The following PTPN12 variants were observed in gnomAD, a reference collection of about 807,000 sequenced individuals.
PTPN12 encodes protein tyrosine phosphatase non-receptor type 12.
PTPN12 carries 29 observed loss-of-function variants against 97.6 expected under a neutral mutation model. The ratio of observed to expected loss-of-function variants is 0.30; its 90% CI spans 0.22 to 0.41. The LOEUF (loss-of-function observed/expected upper bound fraction) is 0.41, where lower values mean the gene tolerates loss of function less well. Ranked by LOEUF, PTPN12 falls within the 10% of genes least tolerant of loss-of-function variation. The pLI, the probability that PTPN12 is intolerant of heterozygous loss-of-function variation, is 1.00. For synonymous variants in PTPN12, 327 were observed against 300.4 expected (o/e 1.09, Z -0.91); for missense variants, 819 against 926.0 (o/e 0.88, Z 1.50).
chr7:77,615,162 T>A (rs528374914), intron 11 of PTPN12, among the ~76,000 whole-genome samples: 20 of 152,334 alleles, frequency 1.3e-4, no homozygotes, highest in Middle Eastern at 3.4e-3. Context: ...ACACCAGTAT[T>A]TCAGTTCTAG....
intron 1 of PTPN12, among the ~76,000 whole-genome samples, chr7:77,552,083 T>C (rs923824166): frequency 2.0e-5 from 3 of 152,352 alleles, no homozygotes; most frequent in African/African-American, 7.2e-5. Context: ...AAAAAGTTTA[T>C]TTTAAAATTA....
chr7:77,622,244 C>T (rs1788965848), intron 12 of PTPN12, among the ~76,000 whole-genome samples: 1 of 152,196 alleles, frequency 6.6e-6, no homozygotes, highest in South Asian at 2.1e-4. Context: ...CGTGAGCCAC[C>T]ATGTCCCACC....
chr7:77,604,839 G>T, intron 8 of PTPN12: 1 of 421,814 alleles, frequency 2.4e-6, no homozygotes, highest in South Asian at 1.7e-5. Context: ...TATGGTTAAG[G>T]TATGTGATCA....
intron 1 of PTPN12, among the ~76,000 whole-genome samples, chr7:77,558,347 A>G (rs1181331562): frequency 1.3e-5 from 2 of 152,292 alleles, no homozygotes; most frequent in Non-Finnish European, 2.9e-5. Flanking sequence ...GGCCACTTCT[A>G]ATAGAATTGA....
intron 4 of PTPN12, among the ~76,000 whole-genome samples, chr7:77,584,834 G>A (rs143410566): frequency 0.016 from 2,378 of 150,354 alleles, 61 homozygotes; most frequent in African/African-American, 0.054. Context: ...CTGAGATAGC[G>A]CCACTGCACT....
chr7:77,615,832 G>C (rs1390484146), intron 11 of PTPN12, among the ~76,000 whole-genome samples: 1 of 152,246 alleles, frequency 6.6e-6, no homozygotes, highest in Admixed American at 6.5e-5. Context: ...AGAGTCAGAA[G>C]ATGTGGGTGT....
intron 12 of PTPN12, 48 bp downstream of exon 12, chr7:77,618,613 C>A: frequency 8.2e-7 from 1 of 1,223,142 alleles, no homozygotes; most frequent in Non-Finnish European, 1.2e-6. Flanking sequence ...CTTGTTTCTA[C>A]TCACTGTTAA....
At chr7:77,590,810 C>T (rs1787843632) in intron 5 of PTPN12, among the ~76,000 whole-genome samples, 4 of 152,010 alleles carry the variant, frequency 2.6e-5, no homozygotes, top group African/African-American at 9.7e-5. Flanking sequence ...GTCATCCACC[C>T]ACGTTGGCCT....
chr7:77,554,168 A>G (rs1807598797), intron 1 of PTPN12, among the ~76,000 whole-genome samples: 1 of 152,148 alleles, frequency 6.6e-6, no homozygotes, highest in Non-Finnish European at 1.5e-5. Flanking sequence ...AGGTCTTACC[A>G]TGTTGCCCAG....
chr7:77,551,459 G>GT (rs1217936596), intron 1 of PTPN12, among the ~76,000 whole-genome samples: 1 of 152,210 alleles, frequency 6.6e-6, no homozygotes, highest in Admixed American at 6.5e-5. Flanking sequence ...TCAGAATTGT[G>GT]TAAGCTGAGC....
rs574873254 is a variant in PTPN12 at position 77,599,408 on chromosome 7, A to G, written c.553-1256A>G. ...GAGCTCAAGCAGTCCTCCCATCTCC[A>G]CCTTCCTAGTATCTGAGACTATAGG... On this transcript the variant is annotated intron_variant, in intron 7 of 17. Coordinates refer to ENST00000248594, the MANE Select transcript of PTPN12 (RefSeq NM_002835.4). 2.2e-5 allele frequency among the ~76,000 whole-genome samples: 3 copies of G among 137,536 alleles called. No homozygotes were observed. The South Asian group carries it at 6.7e-4, about 31-fold the overall frequency. The allele number at this position is 137,536 out of a possible 152,430, so 90.2% of individuals were successfully genotyped here.
At chr7:77,556,412 T>G (rs996922039) in intron 1 of PTPN12, among the ~76,000 whole-genome samples, 1 of 152,152 alleles carries the variant, frequency 6.6e-6, no homozygotes, top group African/African-American at 2.4e-5. Flanking sequence ...TATATCCTGT[T>G]TCTCAGCGCC....
intron 9 of PTPN12, among the ~76,000 whole-genome samples, chr7:77,608,862 T>C (rs1788463034): frequency 6.6e-6 from 1 of 152,198 alleles, no homozygotes; most frequent in Non-Finnish European, 1.5e-5. Flanking sequence ...AAGATTAAAA[T>C]TGGAATGAGA....
At position 77,627,046 on chromosome 7, in the gene PTPN12, T is replaced by C; in HGVS notation, c.1367T>C (p.Leu456Ser). 1 of 1,613,170 alleles carries C rather than the reference T, an allele frequency of 6.2e-7. No homozygotes were observed. The highest frequency in any genetic ancestry group is 8.5e-7 in the Non-Finnish European group (1 of 1,179,548). ...GPKSFDGNTL[L>S]NRGHAIKIKS... The stretch of plus-strand genomic sequence containing the variant: ...AAAAGTTTTGATGGGAACACACTTT[T>C]GAATAGGGGACATGCAATTAAAATT... Residue 456 changes from leucine to serine, a missense_variant, in exon 13 of 18, where the codon TTG becomes TCG. Around this residue, in one of 5 missense-constraint regions of PTPN12, gnomAD observed 607 missense variants for 577.3 expected, o/e 1.05. Coordinates refer to ENST00000248594, the MANE Select transcript of PTPN12 (RefSeq NM_002835.4).
At chr7:77,569,282 A>G (rs1332613696) in intron 1 of PTPN12, among the ~76,000 whole-genome samples, 2 of 152,186 alleles carry the variant, frequency 1.3e-5, no homozygotes. Context: ...TGCACTGTGT[A>G]TATAATGTAC....
intron 1 of PTPN12, among the ~76,000 whole-genome samples, chr7:77,554,712 G>C: frequency 6.6e-6 from 1 of 152,136 alleles, no homozygotes; most frequent in African/African-American, 2.4e-5. Flanking sequence ...GTCTTGCTCT[G>C]TCTGTCATCC....
chr7:77,580,636 A>C (rs1787483834), intron 2 of PTPN12, among the ~76,000 whole-genome samples: 1 of 152,164 alleles, frequency 6.6e-6, no homozygotes, highest in Admixed American at 6.5e-5. Context: ...TTCCTTTAAA[A>C]GAAATCAATA....
intron 6 of PTPN12, among the ~76,000 whole-genome samples, chr7:77,594,304 A>G (rs55688853): frequency 0.24 from 36,974 of 151,964 alleles, 4,753 homozygotes; most frequent in Non-Finnish European, 0.28. Context: ...AACATTTTTA[A>G]AAACGTTAAA....
At chr7:77,621,457 T>C (rs1367878524) in intron 12 of PTPN12, among the ~76,000 whole-genome samples, 1 of 152,108 alleles carries the variant, frequency 6.6e-6, no homozygotes, top group East Asian at 1.9e-4. Flanking sequence ...TCACCTGAGG[T>C]TGGGAGTTCG....
Sources: gnomAD v4.1 joint callset for allele counts (sites outside exome capture counted in the v4.1 genomes callset) on GRCh38, gnomAD v4.1.1 for gene constraint, gnomAD v4.1.1 regional missense constraint, MANE v1.5 for transcripts, NCBI Gene and HGNC (gene_info 2026-07-23, HGNC 2026-07-21) for gene names.